Variants in TBC1D22A observed in about 807,000 individuals in gnomAD.
TBC1D22A encodes the protein TBC1 domain family member 22A.
TBC1D22A carries 38 observed loss-of-function variants against 60.2 expected under a neutral mutation model. The ratio of observed to expected loss-of-function variants is 0.63; its 90% CI spans 0.49 to 0.83. TBC1D22A has a LOEUF of 0.83. Ranked by LOEUF, TBC1D22A falls within the 40% of genes least tolerant of loss-of-function variation. The pLI is 0.00. For missense variants in TBC1D22A, 628 were observed against 701.0 expected, an observed-to-expected ratio of 0.90 and a Z score of 1.18; for synonymous variants, 302 against 281.7, an observed-to-expected ratio of 1.07 and a Z score of -0.72.
chr22:46,981,430 C>T (rs771848498), intron 9 of TBC1D22A, among the ~76,000 whole-genome samples: 15 of 152,176 alleles, frequency 9.9e-5, no homozygotes, highest in Non-Finnish European at 1.6e-4. Flanking sequence ...GTAGGTGATA[C>T]GGTTAGGCTT....
At chr22:47,003,571 A>T (rs1310406376) in intron 10 of TBC1D22A, among the ~76,000 whole-genome samples, 1 of 148,954 alleles carries the variant, frequency 6.7e-6, no homozygotes, top group African/African-American at 2.5e-5. Flanking sequence ...CTACGCACAC[A>T]TGCCTGTATA....
chr22:46,935,638 C>T (rs1210225116), intron 8 of TBC1D22A, among the ~76,000 whole-genome samples: 1 of 152,206 alleles, frequency 6.6e-6, no homozygotes, highest in Non-Finnish European at 1.5e-5. Context: ...CGGTCACTTC[C>T]CCAGGCGGCT....
intron 12 of TBC1D22A, among the ~76,000 whole-genome samples, chr22:47,132,790 C>T (rs940317108): frequency 6.6e-6 from 1 of 152,212 alleles, no homozygotes; most frequent in African/African-American, 2.4e-5. Context: ...GGCTTGAAGG[C>T]GGGCTGTTTG....
chr22:47,056,163 G>T (rs977209201), intron 11 of TBC1D22A, among the ~76,000 whole-genome samples: 1 of 152,074 alleles, frequency 6.6e-6, no homozygotes, highest in African/African-American at 2.4e-5. Flanking sequence ...GAGTGTGTGT[G>T]GGTGGTGGGC....
intron 9 of TBC1D22A, among the ~76,000 whole-genome samples, chr22:46,982,259 C>G (rs1475830136): frequency 6.8e-5 from 10 of 146,878 alleles, no homozygotes; most frequent in Admixed American, 5.5e-4. Flanking sequence ...GAGTCTTACT[C>G]TGTCACCAGG....
intron 10 of TBC1D22A, among the ~76,000 whole-genome samples, chr22:47,023,470 T>C (rs964930837): frequency 1.3e-5 from 2 of 152,198 alleles, no homozygotes; most frequent in South Asian, 2.1e-4. Flanking sequence ...ATATGGAACC[T>C]ATAAACCTGT....
chr22:47,054,763 C>T (rs546484395), intron 11 of TBC1D22A, among the ~76,000 whole-genome samples: 1 of 152,270 alleles, frequency 6.6e-6, no homozygotes, highest in East Asian at 1.9e-4. Flanking sequence ...GCAGGTCGGG[C>T]TGATGATTGT....
intron 11 of TBC1D22A, among the ~76,000 whole-genome samples, chr22:47,062,981 G>A (rs940090311): frequency 1.3e-5 from 2 of 152,138 alleles, no homozygotes; most frequent in African/African-American, 2.4e-5. Context: ...AGCAGCGAGC[G>A]CAGGAACATG....
chr22:46,762,874 C>A (rs1429439830), intron 1 of TBC1D22A, 26 bp downstream of exon 1: 1 of 1,470,960 alleles, frequency 6.8e-7, no homozygotes, highest in Non-Finnish European at 9.0e-7. Flanking sequence ...AGGGCCAGGT[C>A]GGGGTCAGGG....
At chr22:47,088,869 T>C (rs1187366907) in intron 11 of TBC1D22A, among the ~76,000 whole-genome samples, 1 of 152,076 alleles carries the variant, frequency 6.6e-6, no homozygotes, top group Non-Finnish European at 1.5e-5. Context: ...AGGCCACAGC[T>C]CCAACAGCGA....
At chr22:46,878,002 G>A (rs533928660) in intron 4 of TBC1D22A, among the ~76,000 whole-genome samples, 22 of 152,190 alleles carry the variant, frequency 1.4e-4, no homozygotes, top group East Asian at 1.9e-4. Context: ...TCTGGCCAGC[G>A]CCTCCCTACT....
At chr22:47,119,159 A>G (rs546942891) in intron 12 of TBC1D22A, among the ~76,000 whole-genome samples, 66 of 152,364 alleles carry the variant, frequency 4.3e-4, no homozygotes, top group Non-Finnish European at 1.8e-4. Context: ...ATAAAATAAA[A>G]TAAAACTTGA....
At chr22:47,039,320 T>C (rs984474285) in intron 11 of TBC1D22A, among the ~76,000 whole-genome samples, 1 of 152,154 alleles carries the variant, frequency 6.6e-6, no homozygotes, top group Non-Finnish European at 1.5e-5. Context: ...ATTTCTATTT[T>C]ACAGGGCCAA....
At chr22:46,834,090 G>A (rs879714373) in intron 4 of TBC1D22A, among the ~76,000 whole-genome samples, 1 of 152,024 alleles carries the variant, frequency 6.6e-6, no homozygotes, top group Non-Finnish European at 1.5e-5. Flanking sequence ...AGCCTCTGAA[G>A]TAGACTCAAC....
chr22:46,998,127 TTTAATA>T, intron 10 of TBC1D22A, among the ~76,000 whole-genome samples: 1 of 152,298 alleles, frequency 6.6e-6, no homozygotes. Context: ...AAATAACATC[TTTAATA>T]TTATAGAAAA....
chr22:46,880,833 G>A (rs1358910495), intron 5 of TBC1D22A, among the ~76,000 whole-genome samples: 1 of 152,150 alleles, frequency 6.6e-6, no homozygotes, highest in East Asian at 1.9e-4. Context: ...GAACGTGGTG[G>A]TTCTTGGCCC....
intron 1 of TBC1D22A, among the ~76,000 whole-genome samples, chr22:46,767,107 T>C (rs1016296397): frequency 2.0e-5 from 3 of 152,168 alleles, no homozygotes; most frequent in Non-Finnish European, 4.4e-5. Context: ...TGGTAGACCC[T>C]CGGTTTATGC....
intron 5 of TBC1D22A, among the ~76,000 whole-genome samples, chr22:46,884,381 G>A (rs889786055): frequency 5.9e-5 from 9 of 152,336 alleles, no homozygotes; most frequent in East Asian, 5.8e-4. Context: ...GGGCTTACCC[G>A]TTCCCTCACT....
At chr22:46,972,973 G>A (rs542981505) in intron 8 of TBC1D22A, among the ~76,000 whole-genome samples, 7 of 152,280 alleles carry the variant, frequency 4.6e-5, no homozygotes, top group African/African-American at 7.2e-5. Flanking sequence ...GCCCTCGAGC[G>A]CCCAGCTGCT....
Sources: allele counts gnomAD v4.1 joint callset (sites outside exome capture counted in the v4.1 genomes callset), GRCh38; gene constraint gnomAD v4.1.1; transcripts MANE v1.5; gene names NCBI Gene and HGNC (gene_info 2026-07-23, HGNC 2026-07-21).